DIS3L: variants seen among roughly 807,000 people sequenced by gnomAD.
DIS3L encodes DIS3 like exosome 3'-5' exoribonuclease, also known as DIS3-like exonuclease 1.
DIS3L carries 100 observed loss-of-function variants against 120.3 expected under a neutral mutation model. That is an observed-to-expected ratio of 0.83 (90% CI 0.71 to 0.98). The LOEUF (loss-of-function observed/expected upper bound fraction) is 0.98, where lower values mean the gene tolerates loss of function less well. Ranked by LOEUF, DIS3L falls within the 50% of genes least tolerant of loss-of-function variation. The probability of loss-of-function intolerance (pLI) is 0.00; values close to 1 mark genes in which losing one functional copy is unlikely to be tolerated. For missense variants in DIS3L, 1,196 were observed against 1,314.2 expected (o/e 0.91, Z 1.39); for synonymous variants, 426 against 470.6 (o/e 0.91, Z 1.23).
chr15:66,302,201 C>CA (rs201166215), intron 2 of DIS3L, among the ~76,000 whole-genome samples: 15 of 151,344 alleles, frequency 9.9e-5, no homozygotes, highest in African/African-American at 2.4e-4. Context: ...TGTCTCAATA[C>CA]AAAAAAAACC....
chr15:66,314,704 A>G (rs2092799750), intron 6 of DIS3L, among the ~76,000 whole-genome samples: 1 of 152,132 alleles, frequency 6.6e-6, no homozygotes, highest in African/African-American at 2.4e-5. Context: ...GCTGTGTAGG[A>G]TCCTAAAGGT....
intron 5 of DIS3L, 135 bp from the exon 6 acceptor site, chr15:66,313,904 G>A: frequency 1.9e-6 from 1 of 532,088 alleles, no homozygotes; most frequent in Non-Finnish European, 3.3e-6. Context: ...TATATATATA[G>A]TTCCTAAAGG....
chr15:66,294,848 C>A, intron 1 of DIS3L, 140 bp from the exon 2 acceptor site: 1 of 913,278 alleles, frequency 1.1e-6, no homozygotes, highest in Non-Finnish European at 1.6e-6. Flanking sequence ...TGGGCCTCTA[C>A]CAAAGTAGAT....
chr15:66,318,028 G>A (rs1444401736), intron 7 of DIS3L, among the ~76,000 whole-genome samples: 1 of 152,184 alleles, frequency 6.6e-6, no homozygotes. Flanking sequence ...AGGCTGGAGT[G>A]TAGTGGTGCA....
intron 2 of DIS3L, among the ~76,000 whole-genome samples, chr15:66,306,288 A>C (rs1353109951): frequency 4.6e-5 from 7 of 152,234 alleles, no homozygotes; most frequent in Admixed American, 4.6e-4. Context: ...TGTCTGACAG[A>C]TGAGGCTAGC....
chr15:66,293,582 G>T lies in DIS3L; in HGVS notation c.-15G>T. On this transcript the variant is annotated 5_prime_UTR_variant, in exon 1 of 17. Transcript: ENST00000319212. Reference sequence around the variant, plus strand: ...CCGCGCCCGCCACTCCGCGGCCGCCGGGAGACACGCCGCCATGCTGCAGAA... The same window carrying T: ...CCGCGCCCGCCACTCCGCGGCCGCCTGGAGACACGCCGCCATGCTGCAGAA... The T allele has an allele frequency of 1.4e-6, 2 of 1,424,730 alleles. No individual in the cohort carries two copies. Among genetic ancestry groups the T allele is most frequent in the South Asian group, 1.3e-5 (1 of 74,672 alleles). 88.3% of individuals were successfully genotyped at this position (1,424,730 alleles called of 1,614,324 possible).
At chr15:66,308,655 A>C (rs1430732045) in intron 3 of DIS3L, 54 bp from the exon 4 acceptor site, 2 of 1,567,574 alleles carry the variant, frequency 1.3e-6, no homozygotes, top group Non-Finnish European at 1.7e-6. Flanking sequence ...AATTCTGAAC[A>C]AGAGCTTGTG....
chr15:66,295,175 A>G (rs1470213728), intron 2 of DIS3L, 34 bp downstream of exon 2: 2 of 1,592,538 alleles, frequency 1.3e-6, no homozygotes, highest in East Asian at 4.5e-5. Context: ...TCTATATGGC[A>G]TAGGTTCCCC....
intron 12 of DIS3L, among the ~76,000 whole-genome samples, chr15:66,327,159 A>G (rs756367936): frequency 2.7e-5 from 4 of 148,968 alleles, no homozygotes; most frequent in Non-Finnish European, 5.9e-5. Flanking sequence ...CAAACTCCTG[A>G]CCTCATGATT....
chr15:66,322,800 A>C lies in DIS3L; in HGVS notation c.1440A>C (p.Lys480Asn). ...ATCTCGTATTCAGCATTGACCCCAAAGGTTGTGAAGATGTGGATGACACAC... is the reference window on the plus strand; with the variant it reads ...ATCTCGTATTCAGCATTGACCCCAACGGTTGTGAAGATGTGGATGACACAC... ...KSHLVFSIDP[K>N]GCEDVDDTLS... The change falls in exon 10 of 17, where the codon AAA becomes AAC. Residue 480 changes from lysine (K) to asparagine (N), a missense_variant. Lys to Asn is a moderately conservative substitution (Grantham distance 94). Coordinates refer to ENST00000319212, the MANE Select transcript of DIS3L (RefSeq NM_001143688.3). 6.2e-7 allele frequency: 1 copy of C among 1,614,206 alleles called. No homozygotes were observed. The highest frequency in any genetic ancestry group is 8.5e-7 in the Non-Finnish European group (1 of 1,180,026).
chr15:66,303,697 C>G (rs751989718), intron 2 of DIS3L, among the ~76,000 whole-genome samples: 1 of 152,096 alleles, frequency 6.6e-6, no homozygotes, highest in Non-Finnish European at 1.5e-5. Context: ...TGAAATCACT[C>G]CAAAAATTGT....
Position 66,326,037 on chromosome 15 carries a change from T to G in DIS3L, c.1874T>G (p.Leu625Trp). The G allele has an allele frequency of 6.2e-7, 1 of 1,613,990 alleles. No individual in the cohort carries two copies. The highest frequency in any genetic ancestry group is 1.1e-5 in the South Asian group (1 of 91,074). The change falls in exon 12 of 17, where the codon TTG becomes TGG. Residue 625 changes from leucine (L) to tryptophan (W), a missense_variant. Physicochemically the swap from Leu to Trp is moderately conservative, Grantham distance 61. Transcript: ENST00000319212. ...EKSRQAKLEE[L>W]VWAIGKLTDI... Reference sequence around the variant, plus strand: ...AGCAGACAAGCCAAGCTGGAGGAGTTGGTGTGGGCAATTGGAAAGCTGACC... The same window carrying G: ...AGCAGACAAGCCAAGCTGGAGGAGTGGGTGTGGGCAATTGGAAAGCTGACC...
intron 12 of DIS3L, chr15:66,326,665 C>A: frequency 4.1e-6 from 1 of 243,742 alleles, no homozygotes; most frequent in Non-Finnish European, 8.0e-6. Flanking sequence ...CTGCAACCAC[C>A]ACCTCCCAGG....
Position 66,306,918 on chromosome 15 carries a change from G to C in DIS3L, c.388G>C (p.Glu130Gln). 13 of 1,614,030 alleles carry C rather than the reference G, an allele frequency of 8.1e-6. No homozygotes were observed. Among genetic ancestry groups the C allele is most frequent in the Non-Finnish European group, 1.0e-5 (12 of 1,179,928 alleles). ...EFQQCCYLPR[E>Q]RGESMEKWQT... ...CCAGCAATGCTGCTATCTGCCACGG[G>C]AAAGAGGAGAGTCCATGGAGAAGTG... The change falls in exon 3 of 17, where the codon GAA becomes CAA. Residue 130 changes from glutamate (E) to glutamine (Q), a missense_variant. Glu to Gln is a conservative substitution (Grantham distance 29). Transcript: ENST00000319212.
chr15:66,298,576 A>ATT (rs1312339672), intron 2 of DIS3L, among the ~76,000 whole-genome samples: 1 of 152,212 alleles, frequency 6.6e-6, no homozygotes, highest in Non-Finnish European at 1.5e-5. Context: ...ATCTGGTTAT[A>ATT]TTTGTAATAA....
At position 66,293,633 on chromosome 15, in the gene DIS3L, A is replaced by C. The variant is rs902503635; in HGVS notation, c.37A>C (p.Thr13Pro). 6.9e-7 allele frequency: 1 copy of C among 1,447,782 alleles called. No homozygotes were observed. The highest frequency in any genetic ancestry group is 9.1e-7 in the Non-Finnish European group (1 of 1,102,724). 89.7% of individuals were successfully genotyped at this position (1,447,782 alleles called of 1,614,324 possible). A position where few individuals can be genotyped will look rare whatever the true frequency, so the allele number is the denominator to read the frequency against. The change falls in exon 1 of 17, where the codon ACC (threonine) becomes CCC (proline). Residue 13 changes from threonine (T) to proline (P), a missense_variant. Thr to Pro is a conservative substitution (Grantham distance 38). Transcript: ENST00000319212. ...GCGGGAGAAGGTGCTGCTGCTGAGG[A>C]CCTTCCAGGGCCGCACGCTGCGGAT... is the stretch of plus-strand genomic sequence containing the variant. ...QKREKVLLLR[T>P]FQGRTLRIVR...
intron 4 of DIS3L, among the ~76,000 whole-genome samples, chr15:66,309,295 T>C (rs578018826): frequency 4.0e-5 from 6 of 151,142 alleles, no homozygotes; most frequent in African/African-American, 9.7e-5. Flanking sequence ...AACTATTTAA[T>C]GTTGACTTTC....
chr15:66,325,010 C>G (rs2092921452), intron 11 of DIS3L, among the ~76,000 whole-genome samples: 1 of 152,086 alleles, frequency 6.6e-6, no homozygotes. Flanking sequence ...TATCACAGTT[C>G]AGTGCCATCC....
At chr15:66,309,674 A>G (rs1052870003) in intron 4 of DIS3L, among the ~76,000 whole-genome samples, 1 of 152,236 alleles carries the variant, frequency 6.6e-6, no homozygotes, top group African/African-American at 2.4e-5. Context: ...TGGTAGGGCT[A>G]TGGTTAAAAT....
Sources: gnomAD v4.1 joint callset for allele counts (sites outside exome capture counted in the v4.1 genomes callset) on GRCh38, gnomAD v4.1.1 for gene constraint, MANE v1.5 for transcripts, NCBI Gene and HGNC (gene_info 2026-07-23, HGNC 2026-07-21) for gene names.